TOM1L2: variants seen among roughly 807,000 people sequenced by gnomAD.
TOM1L2 encodes target of myb1 like 2 membrane trafficking protein, also known as TOM1-like protein 2.
A neutral mutation model predicts 67.9 loss-of-function variants in TOM1L2; 31 were observed. That is an observed-to-expected ratio of 0.46 (90% CI 0.34 to 0.62). The LOEUF (loss-of-function observed/expected upper bound fraction) is 0.62. Among genes scored for constraint, TOM1L2 ranks in the 20% least tolerant of loss-of-function variants. The pLI, the probability that TOM1L2 is intolerant of heterozygous loss-of-function variation, is 0.01. For synonymous variants in TOM1L2, 256 were observed against 254.0 expected (o/e 1.01, Z -0.07); for missense variants, 606 against 663.5 (o/e 0.91, Z 0.95).
rs760685544 is a variant in TOM1L2, at chr17:17,866,330, G to C, written c.1050C>G (p.Pro350=). Residue 350 remains proline, a synonymous_variant, in exon 10 of 15, where the codon CCC becomes CCG. Transcript: ENST00000379504. ...CAAGCTGGGAGGAGAGGGAAGATGG[G>C]GGCGCTGTGTTCCCCACCATTGGGC... ...VVSPMVGNTA[P]PSSLSSQLAG... is the part of the protein sequence containing the mutation. 1.9e-6 allele frequency: 3 copies of C among 1,612,724 alleles called. No individual in the cohort carries two copies. In the South Asian group the frequency reaches 3.3e-5, roughly 18 times the overall value.
intron 12 of TOM1L2, among the ~76,000 whole-genome samples, chr17:17,853,329 T>C (rs1337611684): frequency 6.6e-6 from 1 of 152,202 alleles, no homozygotes; most frequent in Non-Finnish European, 1.5e-5. Context: ...ACAGACTAGA[T>C]GTCCTGAGCT....
chr17:17,869,604 T>C, intron 7 of TOM1L2, 131 bp from the exon 8 acceptor site: 1 of 1,413,812 alleles, frequency 7.1e-7, no homozygotes, highest in Non-Finnish European at 9.2e-7. Context: ...AAACCAGACA[T>C]GTGCCGAATT....
rs2035787173 is a variant in TOM1L2, at chr17:17,848,703, C to G, written c.1375+120G>C. 1.9e-5 allele frequency: 21 copies of G among 1,126,504 alleles called. No homozygotes were observed. The South Asian group carries it at 2.6e-4, about 14-fold the overall frequency. The allele number at this position is 1,126,504 out of a possible 1,614,324, so 69.8% of individuals were successfully genotyped here. A position where few individuals can be genotyped will look rare whatever the true frequency, so the allele number is the denominator to read the frequency against. ...AAAGCCACCCGTGAAGCCCATGGCT[C>G]AGGGCCTGGCACCAGTAGGTGCTCT... On this transcript the variant is annotated intron_variant, in intron 14 of 14. Coordinates refer to ENST00000379504, the MANE Select transcript of TOM1L2 (RefSeq NM_001082968.2).
chr17:17,921,741 A>G (rs890195475), intron 1 of TOM1L2, among the ~76,000 whole-genome samples: 1 of 39,354 alleles, frequency 2.5e-5, no homozygotes, highest in South Asian at 7.5e-4. Flanking sequence ...CAGATAAGGG[A>G]AAGTGGGGGC....
intron 1 of TOM1L2, among the ~76,000 whole-genome samples, chr17:17,970,382 C>T (rs2042023354): frequency 6.6e-6 from 1 of 152,108 alleles, no homozygotes; most frequent in Non-Finnish European, 1.5e-5. Flanking sequence ...ATTTTAAATC[C>T]CCTTTAACTT....
intron 1 of TOM1L2, among the ~76,000 whole-genome samples, chr17:17,929,693 T>C (rs576610448): frequency 6.6e-5 from 10 of 152,262 alleles, no homozygotes; most frequent in African/African-American, 2.2e-4. Flanking sequence ...AGAGCAGTAG[T>C]TAACTTTTTG....
At chr17:17,910,638 C>G (rs2039304731) in intron 1 of TOM1L2, among the ~76,000 whole-genome samples, 1 of 151,628 alleles carries the variant, frequency 6.6e-6, no homozygotes, top group South Asian at 2.1e-4. Context: ...GGTGTGATCT[C>G]GGCTCACTGC....
intron 1 of TOM1L2, among the ~76,000 whole-genome samples, chr17:17,909,356 A>G (rs906425717): frequency 6.6e-6 from 1 of 152,190 alleles, no homozygotes; most frequent in African/African-American, 2.4e-5. Context: ...GCCTGTGTCC[A>G]TCAATTAAAG....
At chr17:17,896,137 T>C (rs1038172682) in intron 3 of TOM1L2, among the ~76,000 whole-genome samples, 6 of 152,086 alleles carry the variant, frequency 3.9e-5, no homozygotes, top group African/African-American at 1.2e-4. Context: ...CACTCTCTTG[T>C]AGTGATCCAT....
rs148972599 is a variant in TOM1L2, at chr17:17,865,964, A to G, written c.1084+332T>C. ...GCCATGTTGGTCAGGCTGGTCTCAA[A>G]CTCCTGACCTCAGGTGATCCACCCA... On this transcript the variant is annotated intron_variant, in intron 10 of 14. Transcript: ENST00000379504. 2.1e-3 allele frequency among the ~76,000 whole-genome samples: 315 copies of G among 150,442 alleles called. 8 individuals are homozygous for G. The East Asian group carries it at 0.044, about 21-fold the overall frequency.
chr17:17,869,027 AGGCCCCC>A, intron 8 of TOM1L2: 1 of 286,918 alleles, frequency 3.5e-6, no homozygotes. Flanking sequence ...TGGGGCCCAG[AGGCCCCC>A]AAGTGCTACC....
intron 1 of TOM1L2, among the ~76,000 whole-genome samples, chr17:17,963,308 A>G (rs2145040773): frequency 6.6e-6 from 1 of 152,354 alleles, no homozygotes; most frequent in Admixed American, 6.5e-5. Context: ...GGGAATCCAC[A>G]TTCCTATTGG....
chr17:17,855,718 T>C (rs1282133871), intron 12 of TOM1L2, among the ~76,000 whole-genome samples: 1 of 152,206 alleles, frequency 6.6e-6, no homozygotes, highest in Non-Finnish European at 1.5e-5. Context: ...GAAACCCACC[T>C]GTCCAGTTTT....
chr17:17,858,231 T>TTCTTTTTTTC (rs1054814253), intron 12 of TOM1L2: 1 of 168,894 alleles, frequency 5.9e-6, no homozygotes, highest in African/African-American at 2.4e-5. Flanking sequence ...CCTACATTTT[T>TTCTTTTTTTC]TTTTTCTCTT....
chr17:17,940,192 C>CAA (rs34433429), intron 1 of TOM1L2, among the ~76,000 whole-genome samples: 1,294 of 32,520 alleles, frequency 0.04, 143 homozygotes, highest in African/African-American at 0.1. Context: ...GACTCTATCT[C>CAA]AAAAAAAAAA....
chr17:17,963,444 A>G (rs1024238961), intron 1 of TOM1L2, among the ~76,000 whole-genome samples: 3 of 152,232 alleles, frequency 2.0e-5, no homozygotes, highest in Non-Finnish European at 2.9e-5. Context: ...CTGGAGCTAG[A>G]GCCCCTGGCT....
intron 1 of TOM1L2, 113 bp from the exon 2 acceptor site, chr17:17,907,644 G>A (rs560891319): frequency 2.4e-6 from 2 of 829,496 alleles, no homozygotes; most frequent in East Asian, 2.7e-5. Flanking sequence ...GATGGGCTGA[G>A]CCAACAGAGC....
intron 1 of TOM1L2, among the ~76,000 whole-genome samples, chr17:17,935,306 C>G (rs1367551237): frequency 1.3e-5 from 2 of 152,240 alleles, no homozygotes; most frequent in African/African-American, 4.8e-5. Context: ...TCTTTCTACT[C>G]TAGCAAATGC....
intron 1 of TOM1L2, among the ~76,000 whole-genome samples, chr17:17,966,004 C>T (rs1300187520): frequency 6.6e-6 from 1 of 152,062 alleles, no homozygotes; most frequent in African/African-American, 2.4e-5. Flanking sequence ...ACCTGTAATC[C>T]CAGCTACTTG....
Sources: gnomAD v4.1 joint callset for allele counts (sites outside exome capture counted in the v4.1 genomes callset) on GRCh38, gnomAD v4.1.1 for gene constraint, MANE v1.5 for transcripts, NCBI Gene and HGNC (gene_info 2026-07-23, HGNC 2026-07-21) for gene names.